STPG2: variants seen among roughly 807,000 people sequenced by gnomAD.
The protein encoded by STPG2 is sperm-tail PG-rich repeat-containing protein 2.
In STPG2, 56 loss-of-function variants were observed where a neutral mutation model predicts 54.2. The ratio of observed to expected loss-of-function variants is 1.03; its 90% CI spans 0.83 to 1.29. The LOEUF (loss-of-function observed/expected upper bound fraction) is 1.29, where lower values mean the gene tolerates loss of function less well. STPG2 is among the 50% of genes most tolerant of loss of function. The pLI, the probability that STPG2 is intolerant of heterozygous loss-of-function variation, is 0.00. For synonymous variants in STPG2, 200 were observed against 181.8 expected, an observed-to-expected ratio of 1.10 and a Z score of -0.81; for missense variants, 596 against 544.9, an observed-to-expected ratio of 1.09 and a Z score of -0.93.
At chr4:97,859,034 T>A (rs1428574639) in intron 8 of STPG2, among the ~76,000 whole-genome samples, 1 of 152,220 alleles carries the variant, frequency 6.6e-6, no homozygotes, top group Non-Finnish European at 1.5e-5. Flanking sequence ...AGTGTTTCCT[T>A]TTCACCACAT....
At chr4:98,057,530 G>A (rs1737519107) in intron 5 of STPG2, among the ~76,000 whole-genome samples, 1 of 151,984 alleles carries the variant, frequency 6.6e-6, no homozygotes, top group South Asian at 2.1e-4. Context: ...GAAAAGGAAT[G>A]AACAAAACCT....
At chr4:98,027,511 C>T (rs1408453326) in intron 5 of STPG2, among the ~76,000 whole-genome samples, 2 of 152,164 alleles carry the variant, frequency 1.3e-5, no homozygotes, top group Non-Finnish European at 2.9e-5. Flanking sequence ...GGATATGATC[C>T]ATCTAGGGCA....
intron 10 of STPG2, among the ~76,000 whole-genome samples, chr4:97,572,108 GTATTT>G (rs1278017751): frequency 6.6e-6 from 1 of 152,096 alleles, no homozygotes; most frequent in Non-Finnish European, 1.5e-5. Flanking sequence ...TCTTAACTAT[GTATTT>G]TATTTCTAAT....
intron 10 of STPG2, among the ~76,000 whole-genome samples, chr4:97,565,755 G>T (rs549693774): frequency 6.6e-6 from 1 of 151,880 alleles, no homozygotes; most frequent in African/African-American, 2.4e-5. Context: ...GCGGATTTTC[G>T]TGAACTGTGA....
At chr4:98,077,016 C>G (rs879841243) in intron 5 of STPG2, among the ~76,000 whole-genome samples, 2 of 152,028 alleles carry the variant, frequency 1.3e-5, no homozygotes, top group Non-Finnish European at 2.9e-5. Flanking sequence ...CTTCAGCGAC[C>G]CCTCGAGATT....
chr4:97,961,984 A>T (rs1733906201), intron 7 of STPG2, among the ~76,000 whole-genome samples: 1 of 152,212 alleles, frequency 6.6e-6, no homozygotes, highest in Admixed American at 6.5e-5. Flanking sequence ...ATGAGTGGAT[A>T]AAGAAACTGT....
At chr4:97,991,459 GTA>G (rs60388529) in intron 5 of STPG2, among the ~76,000 whole-genome samples, 18,321 of 145,996 alleles carry the variant, frequency 0.13, 1,392 homozygotes, top group South Asian at 0.29. Flanking sequence ...GTGTGTGTGT[GTA>G]TATATATATA....
chr4:97,799,929 CATTT>C (rs1282122157), intron 9 of STPG2, among the ~76,000 whole-genome samples: 2 of 152,276 alleles, frequency 1.3e-5, no homozygotes, highest in East Asian at 1.9e-4. Flanking sequence ...TCATTTCATT[CATTT>C]ATCTTCCATC....
At chr4:97,659,333 G>A (rs1387463184) in intron 10 of STPG2, among the ~76,000 whole-genome samples, 1 of 152,116 alleles carries the variant, frequency 6.6e-6, no homozygotes, top group Non-Finnish European at 1.5e-5. Context: ...AGCATATTCA[G>A]GCTCTAGACT....
chr4:97,827,079 G>A (rs796535626), intron 9 of STPG2, among the ~76,000 whole-genome samples: 3 of 152,236 alleles, frequency 2.0e-5, no homozygotes, highest in African/African-American at 7.2e-5. Flanking sequence ...GGAATCTCAG[G>A]CACAGCTGAA....
Position 97,943,137 on chromosome 4 carries a change from G to A in STPG2, c.1044+760C>T, listed in dbSNP as rs532818402. On this transcript the variant is annotated intron_variant, in intron 8 of 10. Transcript: ENST00000295268. Reference sequence around the variant, plus strand: ...AGTCCTCATGGTAAAAGGGGCAAACGAGCCTGCCTGGGCCTATTTTATAAG... The same window carrying A: ...AGTCCTCATGGTAAAAGGGGCAAACAAGCCTGCCTGGGCCTATTTTATAAG... Among the ~76,000 whole-genome samples the A allele has an allele frequency of 2.6e-5, 4 of 152,212 alleles. No individual in the cohort carries two copies. The South Asian group carries it at 6.2e-4, about 24-fold the overall frequency.
chr4:97,719,693 T>C (rs1390290722), intron 9 of STPG2, among the ~76,000 whole-genome samples: 2 of 151,928 alleles, frequency 1.3e-5, no homozygotes, highest in Non-Finnish European at 2.9e-5. Context: ...AGAGCCTCTA[T>C]AAATGCTTAT....
intron 10 of STPG2, among the ~76,000 whole-genome samples, chr4:97,570,598 AG>A (rs1212034850): frequency 6.6e-6 from 1 of 151,790 alleles, no homozygotes; most frequent in Non-Finnish European, 1.5e-5. Context: ...CACTGCTACC[AG>A]GGGGAACAAA....
chr4:97,906,827 TA>T (rs373559483), intron 8 of STPG2, among the ~76,000 whole-genome samples: 5 of 152,276 alleles, frequency 3.3e-5, no homozygotes, highest in African/African-American at 1.2e-4. Context: ...CCCGTCAAAC[TA>T]AAAATTCTCA....
intron 9 of STPG2, among the ~76,000 whole-genome samples, chr4:97,787,686 ATCTC>A (rs1315128052): frequency 6.6e-6 from 1 of 151,880 alleles, no homozygotes; most frequent in Non-Finnish European, 1.5e-5. Flanking sequence ...AATTAGTAGA[ATCTC>A]TATTTTTTGC....
chr4:97,848,944 G>C lies in STPG2; in HGVS notation c.1045-8012C>G, dbSNP rs560483859. Among the ~76,000 whole-genome samples the C allele has an allele frequency of 1.8e-4, 27 of 149,756 alleles. No homozygotes were observed. The South Asian group carries it at 5.6e-3, about 31-fold the overall frequency. ...GAAGTCAGGTAGTGTGATGCCTCCA[G>C]CTTTGTTCTTTTGGCTTAGGATTGA... On this transcript the variant is annotated intron_variant, in intron 8 of 10. Transcript: ENST00000295268.
At chr4:97,670,236 T>C (rs1722658732) in intron 10 of STPG2, among the ~76,000 whole-genome samples, 1 of 152,130 alleles carries the variant, frequency 6.6e-6, no homozygotes, top group South Asian at 2.1e-4. Flanking sequence ...AGAGTGATTT[T>C]CCCCATACCT....
intron 9 of STPG2, among the ~76,000 whole-genome samples, chr4:97,780,962 G>T (rs1198795190): frequency 6.6e-6 from 1 of 151,990 alleles, no homozygotes; most frequent in Non-Finnish European, 1.5e-5. Flanking sequence ...AGCACTAAAT[G>T]CCCACAAGAG....
intron 10 of STPG2, among the ~76,000 whole-genome samples, chr4:97,694,738 G>A (rs184143757): frequency 2.7e-3 from 369 of 139,224 alleles, no homozygotes; most frequent in African/African-American, 7.2e-3. Context: ...GTGTGAACCC[G>A]GGAGGCAGAG....
Sources: allele counts gnomAD v4.1 joint callset (sites outside exome capture counted in the v4.1 genomes callset), GRCh38; gene constraint gnomAD v4.1.1; transcripts MANE v1.5; gene names NCBI Gene and HGNC (gene_info 2026-07-23, HGNC 2026-07-21).